The following STK33 variants were observed in gnomAD, a reference collection of about 807,000 sequenced individuals.
STK33 encodes the protein serine/threonine kinase 33, also known as serine/threonine-protein kinase 33.
In STK33, 52 loss-of-function variants were observed where a neutral mutation model predicts 58.0. The observed-to-expected ratio is 0.90, with a 90% CI of 0.72 to 1.13. The LOEUF (loss-of-function observed/expected upper bound fraction) is 1.13. Ranked by LOEUF, STK33 falls within the 50% of genes most tolerant of loss-of-function variation. The pLI is 0.00. For missense variants in STK33, 630 were observed against 604.2 expected (o/e 1.04, Z -0.45); for synonymous variants, 215 against 200.1 (o/e 1.07, Z -0.63).
At chr11:8,439,990 T>C (rs1457868647) in intron 12 of STK33, among the ~76,000 whole-genome samples, 2 of 149,738 alleles carry the variant, frequency 1.3e-5, no homozygotes, top group African/African-American at 4.9e-5. Context: ...AGGACAAACA[T>C]GGGGAGGGTG....
At chr11:8,359,786 G>C in the STK33 span, among the ~76,000 whole-genome samples, 2 of 152,262 alleles carry the variant, frequency 1.3e-5, no homozygotes, top group Admixed American at 6.5e-5. Context: ...ACTTTCCTGT[G>C]CAGTTGGCAC....
rs774814631 is a variant in STK33 at position 8,392,474 on chromosome 11, G to C, written c.*36C>G. 6 of 1,610,582 alleles carry C rather than the reference G, an allele frequency of 3.7e-6. No homozygotes were observed. The highest frequency in any genetic ancestry group is 5.1e-6 in the Non-Finnish European group (6 of 1,177,950). ...CCTCATCAAAGTGCTAACAAGAGCA[G>C]CTTTGTTTTTGTACTGTCCAACACT... On this transcript the variant is annotated 3_prime_UTR_variant, in exon 16 of 16. Coordinates refer to ENST00000687296, the MANE Select transcript of STK33 (RefSeq NM_001352389.2).
intron 14 of STK33, among the ~76,000 whole-genome samples, chr11:8,417,991 T>TACA (rs1411664300): frequency 8.5e-5 from 13 of 152,200 alleles, no homozygotes; most frequent in African/African-American, 3.1e-4. Flanking sequence ...TCTGTTGTAC[T>TACA]ACTGATGTAA....
At chr11:8,465,395 AT>A (rs1948057208) in intron 6 of STK33, 1 of 152,150 alleles carries the variant, frequency 6.6e-6, no homozygotes, top group Non-Finnish European at 1.5e-5. Flanking sequence ...TGAGAAAAAA[AT>A]AACCACTACC....
intron 1 of STK33, among the ~76,000 whole-genome samples, chr11:8,581,443 C>T (rs1270349004): frequency 3.9e-5 from 6 of 152,040 alleles, no homozygotes; most frequent in Admixed American, 1.3e-4. Context: ...TCTGGAAGGT[C>T]GAGGCTAAGC....
At chr11:8,342,245 T>TG in the STK33 span, among the ~76,000 whole-genome samples, 1 of 152,206 alleles carries the variant, frequency 6.6e-6, no homozygotes, top group Admixed American at 6.5e-5. Context: ...CTCTGGCCTG[T>TG]GGGCGTGACT....
At chr11:8,345,463 T>G in the STK33 span, among the ~76,000 whole-genome samples, 5 of 152,246 alleles carry the variant, frequency 3.3e-5, no homozygotes, top group Non-Finnish European at 7.3e-5. Flanking sequence ...CTAGGCAGGA[T>G]GCCGGGGAAA....
rs140432838 is a variant in STK33 at position 8,422,437 on chromosome 11, T to C, written c.1147-8745A>G. Among the ~76,000 whole-genome samples, 509 of 152,284 alleles carry C rather than the reference T, an allele frequency of 3.3e-3. 5 individuals are homozygous for C. Among genetic ancestry groups the C allele is most frequent in the African/African-American group, 0.012 (486 of 41,572 alleles). On this transcript the variant is annotated intron_variant, in intron 14 of 15. Transcript: ENST00000687296. Reference sequence around the variant, plus strand: ...TTTCCTTTGTCACAATGTCGTGGTATAGTTTTGTATCCTGCAGTTTAGAAG... The same window carrying C: ...TTTCCTTTGTCACAATGTCGTGGTACAGTTTTGTATCCTGCAGTTTAGAAG...
chr11:8,425,246 G>A (rs1012401972), intron 14 of STK33, among the ~76,000 whole-genome samples: 12 of 152,094 alleles, frequency 7.9e-5, no homozygotes, highest in Admixed American at 3.9e-4. Context: ...ATAGGGAATC[G>A]TTTCCCCATT....
chr11:8,392,923 C>T (rs1329745423), intron 15 of STK33, among the ~76,000 whole-genome samples: 1 of 152,184 alleles, frequency 6.6e-6, no homozygotes, highest in Non-Finnish European at 1.5e-5. Context: ...TGGTGTGGAG[C>T]AAACTCTACA....
At chr11:8,404,217 T>G (rs1034211124) in intron 15 of STK33, among the ~76,000 whole-genome samples, 2 of 152,224 alleles carry the variant, frequency 1.3e-5, no homozygotes, top group African/African-American at 4.8e-5. Context: ...GGGTCTTGTG[T>G]GGAGTCAACA....
intron 14 of STK33, among the ~76,000 whole-genome samples, chr11:8,416,557 TCTG>T (rs753786301): frequency 7.9e-5 from 12 of 152,184 alleles, no homozygotes; most frequent in Non-Finnish European, 1.3e-4. Context: ...TTCATACTGC[TCTG>T]CTATTTTACT....
the STK33 span, among the ~76,000 whole-genome samples, chr11:8,351,379 C>T: frequency 1.1e-4 from 16 of 152,346 alleles, no homozygotes; most frequent in Admixed American, 4.6e-4. Flanking sequence ...GTGGCATACA[C>T]GTGTCCAGGG....
chr11:8,572,848 G>T (rs974101274), intron 1 of STK33, among the ~76,000 whole-genome samples: 2 of 151,816 alleles, frequency 1.3e-5, no homozygotes, highest in African/African-American at 2.4e-5. Flanking sequence ...ATCAGTAAAG[G>T]CATAGTAATA....
At position 8,474,709 on chromosome 11, in the gene STK33, T is replaced by C. The variant is rs759813960; in HGVS notation, c.197A>G (p.Asn66Ser). Residue 66 changes from asparagine (N) to serine (S), a missense_variant, in exon 5 of 16, where the codon AAC (asparagine) becomes AGC (serine). By Grantham distance (46) the Asn-to-Ser change is conservative. Coordinates refer to ENST00000687296, the MANE Select transcript of STK33 (RefSeq NM_001352389.2). ...ATCTTTCCTGGAGGTTATATCTCTG[T>C]TGATATTTTTTTCTTTTTTTCTCTC... is the stretch of plus-strand genomic sequence containing the variant. ...SLERKKEKNI[N>S]RDITSRKDLP... 1 of 1,611,692 alleles carries C rather than the reference T, an allele frequency of 6.2e-7. No individual in the cohort carries two copies. Among genetic ancestry groups the C allele is most frequent in the Admixed American group, 1.7e-5 (1 of 59,484 alleles).
intron 1 of STK33, among the ~76,000 whole-genome samples, chr11:8,588,692 G>T (rs2032112773): frequency 6.6e-6 from 1 of 152,098 alleles, no homozygotes; most frequent in Non-Finnish European, 1.5e-5. Flanking sequence ...AAAAATTTTT[G>T]TGCTTCAAGG....
chr11:8,541,313 T>C lies in STK33; in HGVS notation c.-466+52770A>G, dbSNP rs141024448. Among the ~76,000 whole-genome samples, 78 of 152,276 alleles carry C rather than the reference T, an allele frequency of 5.1e-4. No individual in the cohort carries two copies. In the East Asian group the frequency reaches 0.013, roughly 25 times the overall value. ...TAAAAAATAGTTCTCAGTTTCGTGA[T>C]TCAGTACTATAATACAGTTTTACAG... On this transcript the variant is annotated intron_variant, in intron 1 of 15. Transcript: ENST00000687296.
chr11:8,432,146 T>G (rs948011886), intron 14 of STK33, among the ~76,000 whole-genome samples: 2 of 152,228 alleles, frequency 1.3e-5, no homozygotes, highest in Non-Finnish European at 2.9e-5. Flanking sequence ...TTGAATATCA[T>G]TAAAGCTCAA....
At chr11:8,577,777 CTTACT>C (rs902808852) in intron 1 of STK33, among the ~76,000 whole-genome samples, 1 of 152,086 alleles carries the variant, frequency 6.6e-6, no homozygotes. Flanking sequence ...TATACACAAG[CTTACT>C]TTGGCTCTCT....
Sources: gnomAD v4.1 joint callset for allele counts (sites outside exome capture counted in the v4.1 genomes callset) on GRCh38, gnomAD v4.1.1 for gene constraint, MANE v1.5 for transcripts, NCBI Gene and HGNC (gene_info 2026-07-23, HGNC 2026-07-21) for gene names.